Variants in PXDNL observed in about 807,000 individuals in gnomAD.
PXDNL encodes probable oxidoreductase PXDNL.
In PXDNL, 145 loss-of-function variants were observed where a neutral mutation model predicts 150.8. The observed-to-expected ratio is 0.96, with a 90% confidence interval of 0.84 to 1.10. The LOEUF is 1.10. PXDNL is among the 50% of genes least tolerant of loss of function. The pLI, the probability that PXDNL is intolerant of heterozygous loss-of-function variation, is 0.00. For missense variants in PXDNL, 2,087 were observed against 1,873.9 expected (o/e 1.11, Z -2.10); for synonymous variants, 757 against 725.7 (o/e 1.04, Z -0.69).
intron 3 of PXDNL, among the ~76,000 whole-genome samples, chr8:51,578,013 GGA>G (rs200402931): frequency 4.6e-4 from 44 of 95,298 alleles, no homozygotes; most frequent in South Asian, 6.3e-4. Flanking sequence ...AAGGAAGGAA[GGA>G]AGGAAGGAAG....
At chr8:51,479,822 T>C (rs1234576352) in intron 6 of PXDNL, among the ~76,000 whole-genome samples, 1 of 152,148 alleles carries the variant, frequency 6.6e-6, no homozygotes, top group African/African-American at 2.4e-5. Context: ...CTATGTTATA[T>C]ATCCATGTAA....
rs372617299 is a variant in PXDNL at position 51,405,084 on chromosome 8, C to T, written c.3557+2983G>A. 4.1e-4 allele frequency among the ~76,000 whole-genome samples: 62 copies of T among 152,280 alleles called. 1 individual carries two copies. In the South Asian group the frequency reaches 0.011, roughly 28 times the overall value. ...CCTCACTGCCTGGGGCCGGCAGCCC[C>T]GGCCAGCCACTGGGAGTGCGGGGCC... On this transcript the variant is annotated intron_variant, in intron 17 of 22. Transcript: ENST00000356297.
chr8:51,803,175 T>C (rs530453126), intron 1 of PXDNL, among the ~76,000 whole-genome samples: 2 of 152,190 alleles, frequency 1.3e-5, no homozygotes, highest in African/African-American at 4.8e-5. Context: ...CTCCCATCTG[T>C]CCTGCTGGGT....
At position 51,608,054 on chromosome 8, in the gene PXDNL, AAAGCAAGCAAGCAAGCAAGC is replaced by A. The variant is rs755666717; in HGVS notation, c.237-15376_237-15357del. Among the ~76,000 whole-genome samples, 78 of 111,678 alleles carry A rather than the reference AAAGCAAGCAAGCAAGCAAGC, an allele frequency of 7.0e-4. 1 individual carries two copies. Among genetic ancestry groups the A allele is most frequent in the Admixed American group, 1.4e-3 (16 of 11,638 alleles). 73.3% of individuals were successfully genotyped at this position (111,678 alleles called of 152,430 possible). A position where few individuals can be genotyped will look rare whatever the true frequency, so the allele number is the denominator to read the frequency against. The stretch of plus-strand genomic sequence containing the variant: ...GAAAGAAAGAAAGAAAGAAAGAAAG[AAAGCAAGCAAGCAAGCAAGC>A]AAGCAAGCAAGCAAGCAAGCAAGCA... On this transcript the variant is annotated intron_variant, in intron 2 of 22. Coordinates refer to ENST00000356297, the MANE Select transcript of PXDNL (RefSeq NM_144651.5).
At chr8:51,719,512 G>A (rs904757626) in intron 1 of PXDNL, among the ~76,000 whole-genome samples, 6 of 152,056 alleles carry the variant, frequency 3.9e-5, no homozygotes, top group African/African-American at 1.2e-4. Flanking sequence ...GCGGAAGGCC[G>A]CAGGGTCCCC....
At chr8:51,559,816 T>C (rs1812684128) in intron 3 of PXDNL, among the ~76,000 whole-genome samples, 1 of 151,944 alleles carries the variant, frequency 6.6e-6, no homozygotes, top group Admixed American at 6.6e-5. Context: ...TTGTGGAGAA[T>C]TGGTATTAAC....
intron 1 of PXDNL, among the ~76,000 whole-genome samples, chr8:51,731,875 G>A (rs979666735): frequency 2.6e-5 from 4 of 152,194 alleles, no homozygotes; most frequent in African/African-American, 9.7e-5. Context: ...ACTGCACACA[G>A]CAAGGGGCCC....
intron 14 of PXDNL, among the ~76,000 whole-genome samples, chr8:51,416,357 T>G (rs888366053): frequency 6.6e-6 from 1 of 152,222 alleles, no homozygotes; most frequent in African/African-American, 2.4e-5. Context: ...TCATTTAATA[T>G]GTGAATGTGA....
intron 1 of PXDNL, among the ~76,000 whole-genome samples, chr8:51,733,676 C>G (rs1489869308): frequency 1.3e-5 from 2 of 151,598 alleles, no homozygotes; most frequent in Admixed American, 6.6e-5. Context: ...GGCATAGTGG[C>G]GGGCACCTGT....
intron 17 of PXDNL, 52 bp downstream of exon 17, chr8:51,408,015 C>G (rs1196505509): frequency 6.7e-7 from 1 of 1,490,444 alleles, no homozygotes; most frequent in Non-Finnish European, 9.0e-7. Context: ...ACCTTTAACA[C>G]TTTTACCTCT....
intron 1 of PXDNL, among the ~76,000 whole-genome samples, chr8:51,668,534 A>C (rs898732337): frequency 3.3e-5 from 5 of 151,934 alleles, no homozygotes; most frequent in Non-Finnish European, 5.9e-5. Context: ...GGAGAAAAGC[A>C]CTCTTACGAG....
At chr8:51,747,517 T>A (rs1318299077) in intron 1 of PXDNL, among the ~76,000 whole-genome samples, 1 of 152,198 alleles carries the variant, frequency 6.6e-6, no homozygotes, top group African/African-American at 2.4e-5. Flanking sequence ...TAATGTGGCA[T>A]GCAAGCAAGG....
intron 12 of PXDNL, among the ~76,000 whole-genome samples, chr8:51,433,356 T>G (rs1809306943): frequency 6.6e-6 from 1 of 151,996 alleles, no homozygotes; most frequent in Non-Finnish European, 1.5e-5. Context: ...TGCTAAGATC[T>G]TCTCTTAATA....
chr8:51,690,916 G>A (rs1397107692), intron 1 of PXDNL, among the ~76,000 whole-genome samples: 1 of 151,938 alleles, frequency 6.6e-6, no homozygotes, highest in Non-Finnish European at 1.5e-5. Flanking sequence ...TTCTCTGATG[G>A]CCAGTGATGA....
At chr8:51,634,928 G>A (rs1160536438) in intron 2 of PXDNL, among the ~76,000 whole-genome samples, 1 of 152,098 alleles carries the variant, frequency 6.6e-6, no homozygotes, top group Non-Finnish European at 1.5e-5. Flanking sequence ...AGTGAAGACA[G>A]ATAATTTGAC....
rs140690303 is a variant in PXDNL at position 51,409,824 on chromosome 8, T to C, written c.2063-263A>G. 2.2e-4 allele frequency among the ~76,000 whole-genome samples: 34 copies of C among 151,926 alleles called. No individual in the cohort carries two copies. In the East Asian group the frequency reaches 6.4e-3, roughly 29 times the overall value. On this transcript the variant is annotated intron_variant, in intron 16 of 22. Transcript: ENST00000356297. ...TGGCTAGCTGCTAGAAGGAGCAAAA[T>C]GGAAGGAGAGCAGATGCCAGCCAGA...
At chr8:51,733,812 A>AATATATATATATATATATATATATATAT (rs9298461) in intron 1 of PXDNL, among the ~76,000 whole-genome samples, 67 of 138,358 alleles carry the variant, frequency 4.8e-4, no homozygotes, top group African/African-American at 1.8e-3. Context: ...TGTCTCAAAT[A>AATATATATATATATATATATATATATAT]ATATATATAT....
At chr8:51,367,956 C>A (rs955627512) in intron 19 of PXDNL, among the ~76,000 whole-genome samples, 1 of 152,074 alleles carries the variant, frequency 6.6e-6, no homozygotes, top group African/African-American at 2.4e-5. Flanking sequence ...GGAGAAACCA[C>A]GTCTGTACTA....
intron 5 of PXDNL, among the ~76,000 whole-genome samples, chr8:51,484,890 T>G (rs1000296353): frequency 1.3e-5 from 2 of 152,180 alleles, no homozygotes; most frequent in African/African-American, 4.8e-5. Context: ...GAATACATAT[T>G]TGGCAAAGAG....
Sources: gnomAD v4.1 joint callset for allele counts (sites outside exome capture counted in the v4.1 genomes callset) on GRCh38, gnomAD v4.1.1 for gene constraint, MANE v1.5 for transcripts, NCBI Gene and HGNC (gene_info 2026-07-23, HGNC 2026-07-21) for gene names.